Variants in OXR1 observed in about 807,000 individuals in gnomAD.
OXR1 encodes oxidation resistance protein 1.
In OXR1, 41 loss-of-function variants were observed where a neutral mutation model predicts 104.6. The ratio of observed to expected loss-of-function variants is 0.39; its 90% CI spans 0.31 to 0.51. OXR1 has a LOEUF of 0.51. Ranked by LOEUF, OXR1 falls within the 20% of genes least tolerant of loss-of-function variation. OXR1 has a pLI of 0.77. For synonymous variants in OXR1, 348 were observed against 348.4 expected (o/e 1.00, Z 0.01); for missense variants, 955 against 1,031.9 (o/e 0.93, Z 1.02).
In OXR1 at chr8:106,480,024, G is replaced by A. The variant is rs568303931; in HGVS notation, c.24-38919G>A. On this transcript the variant is annotated intron_variant, in intron 2 of 16. Transcript: ENST00000517566. ...ATAGTCAGTATATTACAAGCATTTT[G>A]CAACTCCCTGATTTCTCTATGTTTT... Among the ~76,000 whole-genome samples, 35 of 152,022 alleles carry A rather than the reference G, an allele frequency of 2.3e-4. 1 individual carries two copies. In the South Asian group the frequency reaches 6.2e-3, roughly 27 times the overall value.
intron 1 of OXR1, among the ~76,000 whole-genome samples, chr8:106,339,926 C>T (rs185208289): frequency 6.6e-6 from 1 of 151,938 alleles, no homozygotes; most frequent in Admixed American, 6.6e-5. Flanking sequence ...ATAAATATTA[C>T]TGTATATAAA....
chr8:106,691,781 T>C (rs1218129480), intron 6 of OXR1, among the ~76,000 whole-genome samples: 1 of 151,238 alleles, frequency 6.6e-6, no homozygotes, highest in Non-Finnish European at 1.5e-5. Context: ...GCTATTTTTT[T>C]CTTAGCATAT....
rs112102938 is a variant in OXR1, at chr8:106,509,933, C to T, written c.24-9010C>T. On this transcript the variant is annotated intron_variant, in intron 2 of 16. Coordinates refer to ENST00000517566, the MANE Select transcript of OXR1 (RefSeq NM_001198533.2). ...ACTACAGGTGCACACCACCACGCCC[C>T]GCTAATTTTTATATTTTTAGTAGAG... Among the ~76,000 whole-genome samples the T allele has an allele frequency of 4.4e-3, 666 of 152,060 alleles. 4 individuals are homozygous for T. Among genetic ancestry groups the T allele is most frequent in the African/African-American group, 0.015 (630 of 41,480 alleles).
intron 2 of OXR1, chr8:106,448,060 C>T: frequency 6.5e-7 from 1 of 1,535,828 alleles, no homozygotes; most frequent in Non-Finnish European, 8.7e-7. Flanking sequence ...TAGGTGGGAT[C>T]TATCAGCCTC....
intron 1 of OXR1, among the ~76,000 whole-genome samples, chr8:106,312,274 A>G (rs1157947672): frequency 6.6e-6 from 1 of 152,234 alleles, no homozygotes; most frequent in Non-Finnish European, 1.5e-5. Flanking sequence ...AGCCAAGTTC[A>G]ATCTCAAGTC....
In OXR1 at chr8:106,692,844, T is replaced by C. The variant is rs781154088; in HGVS notation, c.642T>C (p.Leu214=). ...EEEEAFTEKF[L]KINCKYITSG... is the part of the protein sequence containing the mutation. The stretch of plus-strand genomic sequence containing the variant: ...AGGAAGCATTTACTGAGAAATTTCT[T>C]AAAATTAATTGCAAATATATTACCA... The change falls in exon 7 of 17, where the codon CTT becomes CTC. Residue 214 remains leucine, a synonymous_variant. Coordinates refer to ENST00000517566, the MANE Select transcript of OXR1 (RefSeq NM_001198533.2). 1.9e-6 allele frequency: 3 copies of C among 1,604,356 alleles called. No homozygotes were observed. In the South Asian group the frequency reaches 3.3e-5, roughly 18 times the overall value.
chr8:106,313,697 A>G (rs1216343817), intron 1 of OXR1, among the ~76,000 whole-genome samples: 1 of 152,102 alleles, frequency 6.6e-6, no homozygotes, highest in Admixed American at 6.5e-5. Context: ...GAGATATATT[A>G]TTTCTGTGGC....
chr8:106,564,483 A>G (rs1816928837), intron 3 of OXR1, among the ~76,000 whole-genome samples: 2 of 152,176 alleles, frequency 1.3e-5, no homozygotes, highest in Non-Finnish European at 2.9e-5. Flanking sequence ...AAATTGAGGC[A>G]GTAATTAATA....
intron 3 of OXR1, among the ~76,000 whole-genome samples, chr8:106,651,339 C>T (rs185343440): frequency 2.0e-5 from 3 of 152,220 alleles, no homozygotes; most frequent in Admixed American, 2.0e-4. Context: ...CTGCCAATTC[C>T]AAGATCATGA....
chr8:106,530,421 A>G (rs2130231811), intron 3 of OXR1, among the ~76,000 whole-genome samples: 1 of 152,238 alleles, frequency 6.6e-6, no homozygotes, highest in South Asian at 2.1e-4. Flanking sequence ...CCTCCAGGGT[A>G]GCTGGGATTA....
Position 106,348,398 on chromosome 8 carries a change from G to A in OXR1, c.-138-11078G>A, listed in dbSNP as rs957644327. On this transcript the variant is annotated intron_variant, in intron 1 of 16. Transcript: ENST00000517566. ...TCCTCGACTTGTCCCACGTTACTTC[G>A]GAACATTAACATGCTTATGTTCTGA... Among the ~76,000 whole-genome samples, 10 of 152,118 alleles carry A rather than the reference G, an allele frequency of 6.6e-5. No homozygotes were observed. The East Asian group carries it at 7.7e-4, about 12-fold the overall frequency.
intron 2 of OXR1, among the ~76,000 whole-genome samples, chr8:106,416,273 A>G (rs1043452612): frequency 1.3e-5 from 2 of 152,160 alleles, no homozygotes; most frequent in African/African-American, 4.8e-5. Context: ...GACTGAGGGG[A>G]GTGGTGAGTA....
chr8:106,366,952 A>G (rs1216615104), intron 2 of OXR1, among the ~76,000 whole-genome samples: 1 of 152,102 alleles, frequency 6.6e-6, no homozygotes, highest in East Asian at 1.9e-4. Context: ...TTGTTTTTAA[A>G]ATTTCCAGCT....
chr8:106,722,965 G>A (rs1459355549), intron 11 of OXR1, among the ~76,000 whole-genome samples: 1 of 152,026 alleles, frequency 6.6e-6, no homozygotes, highest in African/African-American at 2.4e-5. Context: ...AGTTGTTATC[G>A]ACCTTAGGAG....
intron 2 of OXR1, among the ~76,000 whole-genome samples, chr8:106,454,277 A>G (rs1382080448): frequency 6.6e-6 from 1 of 152,018 alleles, no homozygotes; most frequent in East Asian, 1.9e-4. Flanking sequence ...CCTGGGCAAC[A>G]TGGTGAAATC....
chr8:106,582,410 G>C (rs1272716099), intron 3 of OXR1, among the ~76,000 whole-genome samples: 1 of 151,660 alleles, frequency 6.6e-6, no homozygotes, highest in African/African-American at 2.4e-5. Context: ...GGACAACAAG[G>C]TTTTTCTTCC....
At chr8:106,483,064 G>T (rs1428401257) in intron 2 of OXR1, among the ~76,000 whole-genome samples, 5 of 151,976 alleles carry the variant, frequency 3.3e-5, no homozygotes. Flanking sequence ...GCAACAGCTT[G>T]CTCTAACCAT....
intron 3 of OXR1, among the ~76,000 whole-genome samples, chr8:106,661,144 C>T (rs1197237338): frequency 6.6e-6 from 1 of 152,218 alleles, no homozygotes; most frequent in Non-Finnish European, 1.5e-5. Flanking sequence ...CACCACTGCA[C>T]TCCAGCCTGG....
intron 3 of OXR1, among the ~76,000 whole-genome samples, chr8:106,531,246 A>G (rs529636313): frequency 5.0e-4 from 76 of 152,320 alleles, no homozygotes; most frequent in African/African-American, 1.7e-3. Flanking sequence ...TTGGATTTAA[A>G]TGAACTCTTT....
Sources: gnomAD v4.1 joint callset for allele counts (sites outside exome capture counted in the v4.1 genomes callset) on GRCh38, gnomAD v4.1.1 for gene constraint, MANE v1.5 for transcripts, NCBI Gene and HGNC (gene_info 2026-07-23, HGNC 2026-07-21) for gene names.